Variants in CAMK2A observed in about 807,000 individuals in gnomAD.
CAMK2A encodes calcium/calmodulin dependent protein kinase II alpha.
A neutral mutation model predicts 79.2 loss-of-function variants in CAMK2A; 7 were observed. The ratio of observed to expected loss-of-function variants is 0.09; its 90% confidence interval spans 0.05 to 0.17. The LOEUF is 0.17. Among genes scored for constraint, CAMK2A ranks in the 10% least tolerant of loss-of-function variants. CAMK2A has a pLI of 1.00. For missense variants in CAMK2A, 214 were observed against 646.4 expected (o/e 0.33, Z 7.25); for synonymous variants, 242 against 251.7 (o/e 0.96, Z 0.36).
Position 150,287,757 on chromosome 5 carries a change from C to T in CAMK2A, c.62+1807G>A, listed in dbSNP as rs192372195. On this transcript the variant is annotated intron_variant, in intron 1 of 18. Coordinates refer to ENST00000671881, the MANE Select transcript of CAMK2A (RefSeq NM_015981.4). Reference sequence around the variant, plus strand: ...CACTGGAAAACACCTGGAGAGGGGTCCCTGCACAAGTTTGTAGACAGCCTC... The same window carrying T: ...CACTGGAAAACACCTGGAGAGGGGTTCCTGCACAAGTTTGTAGACAGCCTC... Among the ~76,000 whole-genome samples the T allele has an allele frequency of 1.6e-3, 248 of 152,234 alleles. 1 individual carries two copies. In the Middle Eastern group the frequency reaches 0.02, roughly 13 times the overall value.
chr5:150,284,491 G>T lies in CAMK2A; in HGVS notation c.62+5073C>A, dbSNP rs1348717764. Among the ~76,000 whole-genome samples the T allele has an allele frequency of 6.6e-6, 1 of 152,124 alleles. No individual in the cohort carries two copies. The highest frequency in any genetic ancestry group is 1.9e-4 in the East Asian group (1 of 5,182). On this transcript the variant is annotated intron_variant, in intron 1 of 18. Transcript: ENST00000671881. The surrounding 1 kb of genome is among the most constrained non-coding windows in gnomAD (Gnocchi z 5.3). ...TCACTGTGTGCTTGTGGAGGGAGGT[G>T]GGGAGGAAGGGAGGGAGGGAGGGAG...
chr5:150,229,928 G>C (rs1467468893), intron 16 of CAMK2A, among the ~76,000 whole-genome samples: 1 of 152,190 alleles, frequency 6.6e-6, no homozygotes, highest in Non-Finnish European at 1.5e-5. Flanking sequence ...TTCCACACAT[G>C]CATCTTCTAA....
intron 1 of CAMK2A, among the ~76,000 whole-genome samples, chr5:150,281,919 C>A (rs778914762): frequency 3.9e-5 from 6 of 152,098 alleles, no homozygotes; most frequent in Non-Finnish European, 8.8e-5. Flanking sequence ...GCATTAGTAC[C>A]TTTTGTTAAT....
In CAMK2A at chr5:150,250,607, G is replaced by A. The variant is rs1273680194; in HGVS notation, c.816+81C>T. ...AGCCCTCTTGGCCCCATGGGCCAGG[G>A]GAAGGGCCAGAACTCTGTGGGGGCC... On this transcript the variant is annotated intron_variant, in intron 10 of 18. Coordinates refer to ENST00000671881, the MANE Select transcript of CAMK2A (RefSeq NM_015981.4). The A allele has an allele frequency of 5.7e-6, 9 of 1,565,864 alleles. No individual in the cohort carries two copies. The African/African-American group carries it at 6.8e-5, about 12-fold the overall frequency.
At chr5:150,280,231 G>A (rs1194997686) in intron 1 of CAMK2A, among the ~76,000 whole-genome samples, 1 of 152,086 alleles carries the variant, frequency 6.6e-6, no homozygotes, top group Non-Finnish European at 1.5e-5. Context: ...TCAGCAAACA[G>A]GAACACTTTT....
chr5:150,276,117 C>A (rs1469151457), intron 1 of CAMK2A, among the ~76,000 whole-genome samples: 1 of 152,302 alleles, frequency 6.6e-6, no homozygotes, highest in African/African-American at 2.4e-5. Flanking sequence ...AATATTAGAA[C>A]AAAAGATGCT....
intron 1 of CAMK2A, among the ~76,000 whole-genome samples, chr5:150,274,660 C>A (rs1362660894): frequency 1.3e-5 from 2 of 152,204 alleles, no homozygotes; most frequent in Non-Finnish European, 2.9e-5. Flanking sequence ...CACCCAGGCA[C>A]CTTGTTAAAA....
Position 150,256,652 on chromosome 5 carries a change from A to G in CAMK2A, c.339-7T>C, listed in dbSNP as rs777949491. ...GATCTGCTGGATACAGTGACTAGGG[A>G]GAGAGAGAGGAAGGGGTCATGGTGG... On this transcript the variant is annotated splice_region_variant and splice_polypyrimidine_tract_variant and intron_variant, in intron 5 of 18. Transcript: ENST00000671881. This position sits in a 1 kb window ranked among gnomAD's most constrained non-coding sequence, Gnocchi z 4.6. 1 of 1,610,954 alleles carries G rather than the reference A, an allele frequency of 6.2e-7. No individual in the cohort carries two copies. Among genetic ancestry groups the G allele is most frequent in the African/African-American group, 1.3e-5 (1 of 74,806 alleles).
chr5:150,251,799 T>A lies in CAMK2A; in HGVS notation c.644A>T (p.Asp215Val). Residue 215 changes from aspartate (D) to valine (V), a missense_variant, in exon 9 of 19, where the codon GAT becomes GTT. By Grantham distance (152) the Asp-to-Val change is radical. Coordinates refer to ENST00000671881, the MANE Select transcript of CAMK2A (RefSeq NM_015981.4). ...CTGGTACAGGCGGTGCTGGTCCTCATCCCAGAACGGGGGGTACCCAACCAG... is the reference window on the plus strand; with the variant it reads ...CTGGTACAGGCGGTGCTGGTCCTCAACCCAGAACGGGGGGTACCCAACCAG... ...ILLVGYPPFW[D>V]EDQHRLYQQI... 6.2e-7 allele frequency: 1 copy of A among 1,609,722 alleles called. No individual in the cohort carries two copies. Among genetic ancestry groups the A allele is most frequent in the Non-Finnish European group, 8.5e-7 (1 of 1,177,912 alleles).
intron 16 of CAMK2A, among the ~76,000 whole-genome samples, chr5:150,228,714 G>A (rs1754713371): frequency 6.6e-6 from 1 of 152,076 alleles, no homozygotes; most frequent in Non-Finnish European, 1.5e-5. Context: ...TCGGGATGGG[G>A]GACACTGCCT....
chr5:150,251,903 G>C lies in CAMK2A; in HGVS notation c.599-59C>G. On this transcript the variant is annotated intron_variant, in intron 8 of 18. Coordinates refer to ENST00000671881, the MANE Select transcript of CAMK2A (RefSeq NM_015981.4). The stretch of plus-strand genomic sequence containing the variant: ...GTGGGGAGGAGACATGGGGGGAGGG[G>C]AGTGATGGGAAAGGAGAGAGGGGGC... 6 of 1,538,454 alleles carry C rather than the reference G, an allele frequency of 3.9e-6. No individual in the cohort carries two copies. The South Asian group carries it at 6.8e-5, about 17-fold the overall frequency.
chr5:150,251,856 AC>A lies in CAMK2A; in HGVS notation c.599-13del. 1 of 1,586,114 alleles carries A rather than the reference AC, an allele frequency of 6.3e-7. No homozygotes were observed. The highest frequency in any genetic ancestry group is 1.1e-5 in the South Asian group (1 of 87,422). ...GTACAGGATGACCCCTGGAAAGAGG[AC>A]CAGAGAACCTTCAACCCCCTGTGGG... On this transcript the variant is annotated splice_polypyrimidine_tract_variant and intron_variant, in intron 8 of 18. Transcript: ENST00000671881.
rs1329594875 is a variant in CAMK2A at position 150,223,885 on chromosome 5, A to C, written c.1238-668T>G. ...TGCAAGCCAAGTGAAACATATCTAC[A>C]GTTCAGACACGGCCCGTGGGCCTGT... On this transcript the variant is annotated intron_variant, in intron 17 of 18. Transcript: ENST00000671881. The surrounding 1 kb of genome is among the most constrained non-coding windows in gnomAD (Gnocchi z 4.1). Among the ~76,000 whole-genome samples, 1 of 152,252 alleles carries C rather than the reference A, an allele frequency of 6.6e-6. No individual in the cohort carries two copies. The highest frequency in any genetic ancestry group is 1.9e-4 in the East Asian group (1 of 5,196).
intron 1 of CAMK2A, among the ~76,000 whole-genome samples, chr5:150,285,111 C>G (rs1370691853): frequency 6.6e-6 from 1 of 152,186 alleles, no homozygotes; most frequent in Non-Finnish European, 1.5e-5. Context: ...TGCTCCTCTT[C>G]CCCTGTTAGT....
At chr5:150,273,290 G>C in intron 1 of CAMK2A, 131 bp from the exon 2 acceptor site, 1 of 667,360 alleles carries the variant, frequency 1.5e-6, no homozygotes, top group South Asian at 1.9e-5. Flanking sequence ...GCTCACAGGG[G>C]CTTCTGTGAC....
rs771569834 is a variant in CAMK2A at position 150,252,068 on chromosome 5, G to A, written c.515-3C>T. The A allele has an allele frequency of 6.2e-7, 1 of 1,611,250 alleles. No homozygotes were observed. Among genetic ancestry groups the A allele is most frequent in the Non-Finnish European group, 8.5e-7 (1 of 1,177,644 alleles). On this transcript the variant is annotated splice_region_variant and splice_polypyrimidine_tract_variant and intron_variant, in intron 7 of 18. Coordinates refer to ENST00000671881, the MANE Select transcript of CAMK2A (RefSeq NM_015981.4). ...ATATCCAGGAGTCCCTGCAAACCCT[G>A]CTCCCAGACACACAGACAGGCAGAC...
At chr5:150,253,383 C>T (rs1314204151) in intron 7 of CAMK2A, 61 bp downstream of exon 7, 4 of 1,338,886 alleles carry the variant, frequency 3.0e-6, no homozygotes, top group Non-Finnish European at 4.3e-6. Flanking sequence ...TTCCCAGAGG[C>T]TTATGTGTCA....
At chr5:150,289,792 G>T (rs909459592), upstream of CAMK2A, 20 of 547,244 alleles carry the variant, frequency 3.7e-5, no homozygotes, top group Admixed American at 4.6e-4. Flanking sequence ...CACTGTGGCT[G>T]CTCACAGCCT....
chr5:150,247,332 C>T (rs1309946748), intron 12 of CAMK2A, among the ~76,000 whole-genome samples: 1 of 152,244 alleles, frequency 6.6e-6, no homozygotes, highest in Non-Finnish European at 1.5e-5. Context: ...GATGGCAGCA[C>T]CCCCATCATC....
Sources: gnomAD v4.1 joint callset for allele counts (sites outside exome capture counted in the v4.1 genomes callset) on GRCh38, gnomAD v4.1.1 for gene constraint, Gnocchi (gnomAD v3.1) non-coding constraint, MANE v1.5 for transcripts, NCBI Gene and HGNC (gene_info 2026-07-23, HGNC 2026-07-21) for gene names.